CACNA1H: variants seen among roughly 807,000 people sequenced by gnomAD.
The protein encoded by CACNA1H is voltage-dependent T-type calcium channel subunit alpha-1H.
CACNA1H carries 149 observed loss-of-function variants against 192.5 expected under a neutral mutation model. The observed-to-expected ratio is 0.77, with a 90% CI of 0.68 to 0.89. The LOEUF is 0.89. CACNA1H is among the 40% of genes least tolerant of loss of function. The pLI is 0.00. For synonymous variants in CACNA1H, 2,202 were observed against 1,475.2 expected (o/e 1.49, Z -11.29); for missense variants, 4,257 against 3,423.5 (o/e 1.24, Z -6.08).
At chr16:1,156,595 C>T (rs1014035406) in intron 2 of CACNA1H, among the ~76,000 whole-genome samples, 33 of 152,134 alleles carry the variant, frequency 2.2e-4, no homozygotes, top group African/African-American at 8.0e-4. Flanking sequence ...GAGGGTGCTT[C>T]CTGGGCCTCA....
At position 1,154,009 on chromosome 16, in the gene CACNA1H, G is replaced by C; in HGVS notation, c.272G>C (p.Ser91Thr). Residue 91 changes from serine to threonine, a missense_variant, in exon 2 of 35, where the codon AGC becomes ACC. Coordinates refer to ENST00000348261, the MANE Select transcript of CACNA1H (RefSeq NM_021098.3). ...CTCGGTCAGACCACGCGGCCGCGCAGCTGGTGCCTCCGGCTGGTCTGCAAC... is the reference window on the plus strand; with the variant it reads ...CTCGGTCAGACCACGCGGCCGCGCACCTGGTGCCTCCGGCTGGTCTGCAAC... ...FCLGQTTRPR[S>T]WCLRLVCNPW... The C allele has an allele frequency of 7.1e-7, 1 of 1,412,482 alleles. No individual in the cohort carries two copies. The highest frequency in any genetic ancestry group is 9.3e-7 in the Non-Finnish European group (1 of 1,080,316). 87.5% of individuals were successfully genotyped at this position (1,412,482 alleles called of 1,614,324 possible).
intron 5 of CACNA1H, 64 bp downstream of exon 5, chr16:1,196,087 G>A (rs1596384702): frequency 3.8e-6 from 5 of 1,313,986 alleles, no homozygotes; most frequent in East Asian, 2.3e-5. Flanking sequence ...GCCCTGCAGA[G>A]CTCTCAAAAG....
chr16:1,207,323 T>C lies in CACNA1H; in HGVS notation c.2956T>C (p.Ser986Pro). The change falls in exon 14 of 35, where the codon TCC becomes CCC. Residue 986 changes from serine to proline, a missense_variant. By Grantham distance (74) the Ser-to-Pro change is moderately conservative. Coordinates refer to ENST00000348261, the MANE Select transcript of CACNA1H (RefSeq NM_021098.3). Reference protein sequence around the residue: ...WNVVLYNGMASTSSWAALYFV... With the variant: ...WNVVLYNGMAPTSSWAALYFV... ...CGTGGTCCTGTACAACGGCATGGCC[T>C]CCACCTCCTCCTGGGCCGCCCTCTA... 1 of 1,611,078 alleles carries C rather than the reference T, an allele frequency of 6.2e-7. No homozygotes were observed. Among genetic ancestry groups the C allele is most frequent in the Non-Finnish European group, 8.5e-7 (1 of 1,178,868 alleles).
At chr16:1,202,513 C>T (rs775779666) in intron 9 of CACNA1H, 61 bp downstream of exon 9, 100 of 1,388,056 alleles carry the variant, frequency 7.2e-5, no homozygotes, top group Non-Finnish European at 9.0e-5. Context: ...CGGGCAGGGT[C>T]TCCGGTGTGT....
At position 1,196,003 on chromosome 16, in the gene CACNA1H, G is replaced by A. The variant is rs749720730; in HGVS notation, c.623G>A (p.Arg208His). ...IRTVRVLRPLRAINRVPSMRI... is the reference protein window; with the variant it reads ...IRTVRVLRPLHAINRVPSMRI... ...ACCGTGCGGGTGCTGCGGCCCCTCC[G>A]CGCCATCAACCGCGTGCCTAGTAAG... Residue 208 changes from arginine (R) to histidine (H), a missense_variant, in exon 5 of 35, where the codon CGC becomes CAC. Physicochemically the swap from Arg to His is conservative, Grantham distance 29 (BLOSUM62 0). Transcript: ENST00000348261. The A allele has an allele frequency of 9.3e-6, 15 of 1,612,876 alleles. No individual in the cohort carries two copies. The highest frequency in any genetic ancestry group is 3.3e-5 in the South Asian group (3 of 91,070).
intron 2 of CACNA1H, among the ~76,000 whole-genome samples, chr16:1,160,560 G>A (rs1003631652): frequency 1.8e-4 from 28 of 152,304 alleles, no homozygotes; most frequent in African/African-American, 6.5e-4. Context: ...AGATGGGGAC[G>A]GAGTAGCAGC....
At position 1,198,788 on chromosome 16, in the gene CACNA1H, A is replaced by G; in HGVS notation, c.803+14A>G. 1 of 1,602,012 alleles carries G rather than the reference A, an allele frequency of 6.2e-7. No homozygotes were observed. Among genetic ancestry groups the G allele is most frequent in the Non-Finnish European group, 8.5e-7 (1 of 1,175,828 alleles). On this transcript the variant is annotated intron_variant, in intron 6 of 34. Coordinates refer to ENST00000348261, the MANE Select transcript of CACNA1H (RefSeq NM_021098.3). ...TGCCTTTGTCAGGTGCCCAGGCCCC[A>G]CCCCCGTGAGGCCCCTGCCCAGATG...
intron 17 of CACNA1H, 111 bp downstream of exon 17, chr16:1,209,523 T>C: frequency 7.4e-7 from 1 of 1,355,368 alleles, no homozygotes. Context: ...CTGAGGGGAT[T>C]CAGAAGGGGA....
At chr16:1,166,015 G>A (rs1030230564) in intron 2 of CACNA1H, among the ~76,000 whole-genome samples, 2 of 152,210 alleles carry the variant, frequency 1.3e-5, no homozygotes, top group Non-Finnish European at 2.9e-5. Flanking sequence ...GGTCCTCCTC[G>A]TCCTGTTGGC....
intron 2 of CACNA1H, among the ~76,000 whole-genome samples, chr16:1,194,681 G>C (rs1966847397): frequency 6.6e-6 from 1 of 152,240 alleles, no homozygotes; most frequent in South Asian, 2.1e-4. Flanking sequence ...GATGCGGCCA[G>C]CCCACCGAGG....
At chr16:1,194,852 TG>T in intron 2 of CACNA1H, 119 bp from the exon 3 acceptor site, 1 of 736,960 alleles carries the variant, frequency 1.4e-6, no homozygotes, top group Non-Finnish European at 2.4e-6. Context: ...CACCCCATCC[TG>T]GACACCCCCA....
chr16:1,214,915 AG>A, intron 27 of CACNA1H, 56 bp from the exon 28 acceptor site: 2 of 1,324,288 alleles, frequency 1.5e-6, no homozygotes, highest in Non-Finnish European at 2.1e-6. Flanking sequence ...AGTGGGAGCC[AG>A]GGGGAAGAGG....
intron 2 of CACNA1H, among the ~76,000 whole-genome samples, chr16:1,173,519 C>G (rs1471034359): frequency 6.6e-6 from 1 of 152,228 alleles, no homozygotes. Flanking sequence ...TGTTTACTAA[C>G]TTAACCACAA....
In CACNA1H at chr16:1,211,466, G is replaced by A. The variant is rs1366007380; in HGVS notation, c.4351-15G>A. ...ACAGGCCAGGCCCTCCGCGGTGACCGTCGCACCCCGTCAGCTCTTCAAAGG... is the reference window on the plus strand; with the variant it reads ...ACAGGCCAGGCCCTCCGCGGTGACCATCGCACCCCGTCAGCTCTTCAAAGG... On this transcript the variant is annotated splice_polypyrimidine_tract_variant and intron_variant, in intron 22 of 34. Transcript: ENST00000348261. 24 of 1,612,330 alleles carry A rather than the reference G, an allele frequency of 1.5e-5. No homozygotes were observed. The highest frequency in any genetic ancestry group is 3.3e-4 in the Middle Eastern group (2 of 6,062).
chr16:1,207,760 T>C lies in CACNA1H; in HGVS notation c.3064-10T>C. 2 of 1,587,520 alleles carry C rather than the reference T, an allele frequency of 1.3e-6. No homozygotes were observed. Among genetic ancestry groups the C allele is most frequent in the Non-Finnish European group, 1.7e-6 (2 of 1,167,454 alleles). ...CCCCTCATGCCTGCCTTGTGCTTTG[T>C]TGGGTTTAGGGCGATGCCAACAGAT... On this transcript the variant is annotated splice_polypyrimidine_tract_variant and intron_variant, in intron 14 of 34. Coordinates refer to ENST00000348261, the MANE Select transcript of CACNA1H (RefSeq NM_021098.3).
Position 1,218,487 on chromosome 16 carries a change from C to T in CACNA1H, c.5723C>T (p.Ala1908Val), listed in dbSNP as rs771474371. ...CCCTTGCCCCAGGAGAGTCCGGGCG[C>T]CAGGGACGCCCCAAACCTGGTTGCA... Reference protein sequence around the residue: ...RPPLPQESPGARDAPNLVARK... With the variant: ...RPPLPQESPGVRDAPNLVARK... The change falls in exon 33 of 35, where the codon GCC becomes GTC. Residue 1908 changes from alanine (A) to valine (V), a missense_variant. Ala to Val is a moderately conservative substitution (Grantham distance 64, BLOSUM62 0). Transcript: ENST00000348261. 3.9e-6 allele frequency: 6 copies of T among 1,552,050 alleles called. No individual in the cohort carries two copies. In the Admixed American group the frequency reaches 7.8e-5, roughly 20 times the overall value.
intron 31 of CACNA1H, among the ~76,000 whole-genome samples, chr16:1,217,569 C>T (rs986651549): frequency 3.3e-5 from 5 of 152,232 alleles, no homozygotes; most frequent in Non-Finnish European, 7.3e-5. Flanking sequence ...TGTGGCGTTG[C>T]CACAGTCCAG....
At chr16:1,181,673 C>T (rs938984787) in intron 2 of CACNA1H, among the ~76,000 whole-genome samples, 6 of 152,196 alleles carry the variant, frequency 3.9e-5, no homozygotes, top group East Asian at 1.9e-4. Flanking sequence ...TAAAATTGTG[C>T]GCAGTTAGAG....
Position 1,210,032 on chromosome 16 carries a change from C to A in CACNA1H, c.3745-3C>A. 2 of 1,548,692 alleles carry A rather than the reference C, an allele frequency of 1.3e-6. No individual in the cohort carries two copies. Among genetic ancestry groups the A allele is most frequent in the South Asian group, 1.2e-5 (1 of 84,066 alleles). On this transcript the variant is annotated splice_region_variant and splice_polypyrimidine_tract_variant and intron_variant, in intron 17 of 34. Transcript: ENST00000348261. ...TCTGAGAAGCCGCCGCCTCATCCCA[C>A]AGAGCTGCTGCCTCCGCCTGCATAA...
Sources: gnomAD v4.1 joint callset for allele counts (sites outside exome capture counted in the v4.1 genomes callset) on GRCh38, gnomAD v4.1.1 for gene constraint, MANE v1.5 for transcripts, NCBI Gene and HGNC (gene_info 2026-07-23, HGNC 2026-07-21) for gene names.